The following SPPL3 variants were observed in gnomAD, a reference collection of about 807,000 sequenced individuals.
The protein encoded by SPPL3 is signal peptide peptidase like 3.
A neutral mutation model predicts 42.4 loss-of-function variants in SPPL3; 5 were observed. The ratio of observed to expected loss-of-function variants is 0.12; its 90% confidence interval spans 0.06 to 0.25. The LOEUF is 0.25. Among genes scored for constraint, SPPL3 ranks in the 10% least tolerant of loss-of-function variants. The pLI is 1.00. For missense variants in SPPL3, 235 were observed against 489.0 expected (o/e 0.48, Z 4.90); for synonymous variants, 195 against 181.8 (o/e 1.07, Z -0.58).
At chr12:120,852,785 T>TAC (rs1872289432) in intron 1 of SPPL3, among the ~76,000 whole-genome samples, 1 of 140,092 alleles carries the variant, frequency 7.1e-6, no homozygotes, top group South Asian at 2.2e-4. Context: ...ATAAAATATA[T>TAC]TTCATATATC....
chr12:120,805,427 C>T (rs1002002541), intron 2 of SPPL3, among the ~76,000 whole-genome samples: 1 of 152,292 alleles, frequency 6.6e-6, no homozygotes, highest in African/African-American at 2.4e-5. Flanking sequence ...TAACTACATA[C>T]TTAATGGGAA....
rs376418210 is a variant in SPPL3, at chr12:120,810,881, T to C, written c.29A>G (p.Tyr10Cys). The change falls in exon 2 of 11, where the codon TAT becomes TGT. Residue 10 changes from tyrosine (Y) to cysteine (C), a missense_variant. Transcript: ENST00000353487. MAEQTYSWAYSLVDSSQVST... is the reference protein window; with the variant it reads MAEQTYSWACSLVDSSQVST... ...CACTTGACTGGAATCCACCAGGGAATAGGCCCTAGAGAAATAAGAGGAAAA... is the reference window on the plus strand; with the variant it reads ...CACTTGACTGGAATCCACCAGGGAACAGGCCCTAGAGAAATAAGAGGAAAA... 6.8e-5 allele frequency: 110 copies of C among 1,612,562 alleles called. No individual in the cohort carries two copies. Among genetic ancestry groups the C allele is most frequent in the Non-Finnish European group, 9.1e-5 (107 of 1,178,832 alleles).
intron 3 of SPPL3, among the ~76,000 whole-genome samples, chr12:120,788,115 G>A (rs564775919): frequency 7.4e-4 from 113 of 152,290 alleles, no homozygotes; most frequent in Non-Finnish European, 1.4e-3. Flanking sequence ...CTGTGCTAAC[G>A]CATGCTCTCC....
intron 3 of SPPL3, 126 bp from the exon 4 acceptor site, chr12:120,784,719 C>A (rs1869660041): frequency 1.6e-6 from 1 of 639,540 alleles, no homozygotes; most frequent in Non-Finnish European, 2.6e-6. Flanking sequence ...CATGGATTAT[C>A]CAGGCCCTAT....
chr12:120,766,151 C>G (rs995313360), intron 10 of SPPL3, 112 bp downstream of exon 10: 1 of 813,844 alleles, frequency 1.2e-6, no homozygotes. Flanking sequence ...CAGTCGAGAT[C>G]ACAAGCTCAC....
At chr12:120,876,808 TAC>T (rs71076677) in intron 1 of SPPL3, among the ~76,000 whole-genome samples, 42,363 of 146,362 alleles carry the variant, frequency 0.29, 6,915 homozygotes, top group Middle Eastern at 0.47. Flanking sequence ...GAGAAACACA[TAC>T]ACACACACAC....
intron 1 of SPPL3, among the ~76,000 whole-genome samples, chr12:120,823,283 T>G (rs1477561163): frequency 3.3e-5 from 5 of 151,834 alleles, no homozygotes; most frequent in Non-Finnish European, 2.9e-5. Flanking sequence ...CCAGTTCACA[T>G]AGGGCTACCA....
chr12:120,880,497 T>C (rs939634126), intron 1 of SPPL3, among the ~76,000 whole-genome samples: 3 of 151,952 alleles, frequency 2.0e-5, no homozygotes, highest in Non-Finnish European at 4.4e-5. Context: ...GGAGAAATTA[T>C]TTGCAAATCG....
intron 3 of SPPL3, among the ~76,000 whole-genome samples, chr12:120,789,155 TTAAGA>T (rs1869821716): frequency 6.6e-6 from 1 of 152,026 alleles, no homozygotes; most frequent in Admixed American, 6.5e-5. Context: ...GCTGGCAGAG[TTAAGA>T]AAGACCATTT....
intron 3 of SPPL3, among the ~76,000 whole-genome samples, chr12:120,789,003 T>C (rs1869816647): frequency 6.6e-6 from 1 of 152,226 alleles, no homozygotes; most frequent in Non-Finnish European, 1.5e-5. Context: ...TGGTCGGCCG[T>C]CTTTGTAATG....
At chr12:120,846,179 C>T (rs1425160800) in intron 1 of SPPL3, among the ~76,000 whole-genome samples, 1 of 152,158 alleles carries the variant, frequency 6.6e-6, no homozygotes, top group Non-Finnish European at 1.5e-5. Context: ...GGCCTTGATG[C>T]TTCATTCACT....
intron 1 of SPPL3, among the ~76,000 whole-genome samples, chr12:120,824,219 G>A (rs1429471826): frequency 6.6e-6 from 1 of 152,128 alleles, no homozygotes; most frequent in Non-Finnish European, 1.5e-5. Context: ...GAAGAAGCAA[G>A]CTGAAGACCT....
chr12:120,782,553 A>T (rs1034199184), intron 6 of SPPL3, 102 bp downstream of exon 6: 4 of 923,668 alleles, frequency 4.3e-6, no homozygotes, highest in East Asian at 2.9e-5. Context: ...AAATGCTCTA[A>T]AAGTTTATTG....
chr12:120,806,548 C>G (rs1479268325), intron 2 of SPPL3, among the ~76,000 whole-genome samples: 2 of 152,032 alleles, frequency 1.3e-5, no homozygotes, highest in Non-Finnish European at 2.9e-5. Flanking sequence ...TATAAAACTT[C>G]TTAAAGAAAA....
intron 1 of SPPL3, among the ~76,000 whole-genome samples, chr12:120,872,078 G>C (rs1425799909): frequency 6.6e-6 from 1 of 152,158 alleles, no homozygotes; most frequent in Non-Finnish European, 1.5e-5. Context: ...TTCTGGATTA[G>C]GGATACTCAA....
In SPPL3 at chr12:120,800,900, A is replaced by G. The variant is rs181780127; in HGVS notation, c.102-9343T>C. On this transcript the variant is annotated intron_variant, in intron 2 of 10. Transcript: ENST00000353487. ...GGCACTGCTAGGTGCTTTACAGGCA[A>G]GGTTTCTTTTGATTCACAGAAAAAC... Among the ~76,000 whole-genome samples, 54 of 152,358 alleles carry G rather than the reference A, an allele frequency of 3.5e-4. No individual in the cohort carries two copies. The East Asian group carries it at 9.8e-3, about 28-fold the overall frequency.
At chr12:120,828,120 A>G (rs1179404682) in intron 1 of SPPL3, among the ~76,000 whole-genome samples, 1 of 152,196 alleles carries the variant, frequency 6.6e-6, no homozygotes, top group African/African-American at 2.4e-5. Flanking sequence ...AACTGATATT[A>G]TACGAAATAT....
chr12:120,803,101 A>G (rs1016012663), intron 2 of SPPL3, among the ~76,000 whole-genome samples: 4 of 152,190 alleles, frequency 2.6e-5, no homozygotes, highest in Non-Finnish European at 5.9e-5. Context: ...TCACCTGAAC[A>G]ACTGAGTTCT....
chr12:120,804,890 A>G (rs1870437932), intron 2 of SPPL3, among the ~76,000 whole-genome samples: 1 of 152,228 alleles, frequency 6.6e-6, no homozygotes, highest in Non-Finnish European at 1.5e-5. Context: ...AGTATTATTC[A>G]GTAATAAAAA....
Sources: allele counts gnomAD v4.1 joint callset (sites outside exome capture counted in the v4.1 genomes callset), GRCh38; gene constraint gnomAD v4.1.1; transcripts MANE v1.5; gene names NCBI Gene and HGNC (gene_info 2026-07-23, HGNC 2026-07-21).